SLC39A10: variants seen among roughly 807,000 people sequenced by gnomAD.
SLC39A10 encodes the protein solute carrier family 39 member 10, also known as zinc transporter ZIP10.
SLC39A10 carries 13 observed loss-of-function variants against 65.1 expected under a neutral mutation model. That is an observed-to-expected ratio of 0.20 (90% CI 0.13 to 0.32). The LOEUF (loss-of-function observed/expected upper bound fraction) is 0.32, where lower values mean the gene tolerates loss of function less well. Among genes scored for constraint, SLC39A10 ranks in the 10% least tolerant of loss-of-function variants. SLC39A10 has a pLI of 1.00. For missense variants in SLC39A10, 831 were observed against 1,018.4 expected, an observed-to-expected ratio of 0.82 and a Z score of 2.50; for synonymous variants, 321 against 342.2, an observed-to-expected ratio of 0.94 and a Z score of 0.68.
intron 2 of SLC39A10, among the ~76,000 whole-genome samples, chr2:195,649,890 T>G (rs887530233): frequency 2.6e-5 from 4 of 152,236 alleles, no homozygotes; most frequent in Non-Finnish European, 5.9e-5. Context: ...TAGCAATTTG[T>G]CTACAGTTTT....
At chr2:195,714,557 C>A (rs1265361128) in intron 6 of SLC39A10, among the ~76,000 whole-genome samples, 1 of 152,022 alleles carries the variant, frequency 6.6e-6, no homozygotes, top group Admixed American at 6.6e-5. Context: ...GCATTCTCCA[C>A]CCCTCCCCCT....
At chr2:195,734,159 T>TAAAA (rs35001848) in intron 9 of SLC39A10, among the ~76,000 whole-genome samples, 76 of 116,540 alleles carry the variant, frequency 6.5e-4, no homozygotes, top group Non-Finnish European at 8.0e-4. Flanking sequence ...CCTTTTTTTT[T>TAAAA]AAAAAAAAAA....
At position 195,650,231 on chromosome 2, in the gene SLC39A10, G is replaced by A. The variant is rs897605075; in HGVS notation, c.-11-29801G>A. ...CGGGAGGCGGAGCTTGCAGTGAGCC[G>A]AGATCCCACCACTGCACTCCAGCCT... On this transcript the variant is annotated intron_variant, in intron 2 of 2. Coordinates refer to the SLC39A10 transcript ENST00000458054. 2.0e-5 allele frequency among the ~76,000 whole-genome samples: 3 copies of A among 147,788 alleles called. No individual in the cohort carries two copies. The East Asian group carries it at 6.0e-4, about 29-fold the overall frequency.
intron 3 of SLC39A10, among the ~76,000 whole-genome samples, chr2:195,693,904 T>C (rs1190851273): frequency 6.6e-6 from 1 of 152,198 alleles, no homozygotes; most frequent in African/African-American, 2.4e-5. Flanking sequence ...GATTGTCTAT[T>C]TGTGCTCTTT....
chr2:195,631,218 A>C (rs1347959804), intron 2 of SLC39A10, among the ~76,000 whole-genome samples: 4 of 151,798 alleles, frequency 2.6e-5, no homozygotes, highest in Non-Finnish European at 5.9e-5. Context: ...ATATAGAGAT[A>C]TATATATCAG....
At chr2:195,633,998 A>G (rs1040163607) in intron 2 of SLC39A10, among the ~76,000 whole-genome samples, 7 of 152,242 alleles carry the variant, frequency 4.6e-5, no homozygotes, top group Non-Finnish European at 7.3e-5. Flanking sequence ...CCCTATCAAC[A>G]GTGTGATATA....
chr2:195,669,546 A>C (rs1374309615), intron 1 of SLC39A10, among the ~76,000 whole-genome samples: 1 of 152,242 alleles, frequency 6.6e-6, no homozygotes, highest in African/African-American at 2.4e-5. Flanking sequence ...ATAAAAAACA[A>C]TCTAAGACAA....
chr2:195,627,715 C>G (rs947980162), intron 2 of SLC39A10, among the ~76,000 whole-genome samples: 6 of 152,124 alleles, frequency 3.9e-5, no homozygotes, highest in African/African-American at 1.4e-4. Context: ...GGAAACAAGA[C>G]AGATAAGTCT....
At chr2:195,721,977 T>C (rs1252252647) in intron 8 of SLC39A10, among the ~76,000 whole-genome samples, 1 of 152,178 alleles carries the variant, frequency 6.6e-6, no homozygotes, top group African/African-American at 2.4e-5. Context: ...GTCTGCAATT[T>C]CTCATTGAAG....
Position 195,734,938 on chromosome 2 carries a change from T to G in SLC39A10, c.2393T>G (p.Val798Gly). 1 of 1,612,778 alleles carries G rather than the reference T, an allele frequency of 6.2e-7. No homozygotes were observed. The highest frequency in any genetic ancestry group is 8.5e-7 in the Non-Finnish European group (1 of 1,179,494). Reference sequence around the variant, plus strand: ...AATGAAGAACATGGCTTTTGTCCTGTGGGGCAATTCATCCTTCAGAATTTA... The same window carrying G: ...AATGAAGAACATGGCTTTTGTCCTGGGGGGCAATTCATCCTTCAGAATTTA... ...GDNEEHGFCP[V>G]GQFILQNLGL... Residue 798 changes from valine to glycine, a missense_variant, in exon 10 of 10, where the codon GTG becomes GGG. This residue lies in a region of SLC39A10 where 120 missense variants were observed against 203.9 expected (regional missense o/e 0.59). Transcript: ENST00000359634.
chr2:195,654,048 C>T (rs897052594), upstream of SLC39A10, among the ~76,000 whole-genome samples: 1 of 152,160 alleles, frequency 6.6e-6, no homozygotes, highest in Non-Finnish European at 1.5e-5. Flanking sequence ...AAGCGATTCT[C>T]CTGCCTCAGC....
intron 5 of SLC39A10, among the ~76,000 whole-genome samples, chr2:195,709,325 A>G (rs570788418): frequency 6.6e-6 from 1 of 152,220 alleles, no homozygotes; most frequent in South Asian, 2.1e-4. Flanking sequence ...TCCACCTCTT[A>G]GGTTCAAGCA....
At chr2:195,713,239 A>C (rs1473145457) in intron 5 of SLC39A10, among the ~76,000 whole-genome samples, 194 bp from the exon 6 acceptor site, 1 of 152,198 alleles carries the variant, frequency 6.6e-6, no homozygotes, top group Non-Finnish European at 1.5e-5. Context: ...ATATTTAAAA[A>C]AATACAAATT....
intron 2 of SLC39A10, among the ~76,000 whole-genome samples, chr2:195,648,346 G>T (rs1688966572): frequency 6.6e-6 from 1 of 152,006 alleles, no homozygotes; most frequent in Non-Finnish European, 1.5e-5. Context: ...ATTTTTGCAA[G>T]AATTTCTATA....
intron 3 of SLC39A10, 52 bp from the exon 4 acceptor site, chr2:195,706,564 C>G: frequency 6.7e-7 from 1 of 1,484,210 alleles, no homozygotes; most frequent in Admixed American, 1.8e-5. Context: ...TTTTGGTAGT[C>G]TGTTGGTTTA....
intron 2 of SLC39A10, among the ~76,000 whole-genome samples, chr2:195,681,778 T>A (rs1470283583): frequency 3.3e-5 from 5 of 152,212 alleles, no homozygotes; most frequent in South Asian, 2.1e-4. Context: ...TAAAATTTTT[T>A]AATTGTTGTT....
intron 1 of SLC39A10, among the ~76,000 whole-genome samples, chr2:195,677,127 A>G (rs1216992177): frequency 6.6e-6 from 1 of 152,250 alleles, no homozygotes; most frequent in African/African-American, 2.4e-5. Flanking sequence ...TACACAGAGC[A>G]TAAGTGCCAT....
chr2:195,714,448 A>G (rs1691712974), intron 6 of SLC39A10, among the ~76,000 whole-genome samples: 1 of 152,182 alleles, frequency 6.6e-6, no homozygotes, highest in African/African-American at 2.4e-5. Flanking sequence ...TAAATATATG[A>G]TCCAAGGCTC....
intron 8 of SLC39A10, among the ~76,000 whole-genome samples, chr2:195,720,021 C>T (rs1002938144): frequency 2.0e-5 from 3 of 152,142 alleles, no homozygotes; most frequent in African/African-American, 7.2e-5. Context: ...AACTCCTGAC[C>T]TCAGGTGATC....
Sources: allele counts gnomAD v4.1 joint callset (sites outside exome capture counted in the v4.1 genomes callset), GRCh38; gene constraint gnomAD v4.1.1; regional missense constraint gnomAD v4.1.1; transcripts MANE v1.5; gene names NCBI Gene and HGNC (gene_info 2026-07-23, HGNC 2026-07-21).